Variants in TGFBR3 observed in about 807,000 individuals in gnomAD.
TGFBR3 encodes transforming growth factor beta receptor 3.
In TGFBR3, 46 loss-of-function variants were observed where a neutral mutation model predicts 87.9. The ratio of observed to expected loss-of-function variants is 0.52; its 90% CI spans 0.41 to 0.67. The LOEUF (loss-of-function observed/expected upper bound fraction) is 0.67. Among genes scored for constraint, TGFBR3 ranks in the 30% least tolerant of loss-of-function variants. The probability of loss-of-function intolerance (pLI) is 0.00; values close to 1 mark genes in which losing one functional copy is unlikely to be tolerated. For synonymous variants in TGFBR3, 381 were observed against 391.6 expected (o/e 0.97, Z 0.32); for missense variants, 866 against 1,041.9 (o/e 0.83, Z 2.32).
rs755058299 is a variant in TGFBR3 at position 91,861,546 on chromosome 1, C to G, written c.-15G>C. 1 of 1,610,236 alleles carries G rather than the reference C, an allele frequency of 6.2e-7. No individual in the cohort carries two copies. Among genetic ancestry groups the G allele is most frequent in the South Asian group, 1.1e-5 (1 of 90,998 alleles). ...TGGGAAGTCATTTTTATTTCTCCAA[C>G]AGTGCGTCTCGTCCAGTCACTTCAG... On this transcript the variant is annotated 5_prime_UTR_variant, in exon 2 of 17. Coordinates refer to ENST00000212355, the MANE Select transcript of TGFBR3 (RefSeq NM_003243.5).
exon 1 of TGFBR3, chr1:91,905,869 C>T (rs1027986258): frequency 2.0e-5 from 3 of 152,234 alleles, no homozygotes; most frequent in African/African-American, 7.2e-5. Flanking sequence ...TGCTGGCATC[C>T]ATCTGCAGAT....
rs1364701516 is a variant in TGFBR3 at position 91,683,515 on chromosome 1, G to A, written c.*224C>T. 1.6e-4 allele frequency: 110 copies of A among 691,988 alleles called. No homozygotes were observed. Among genetic ancestry groups the A allele is most frequent in the Non-Finnish European group, 2.1e-4 (78 of 379,980 alleles). The allele number at this position is 691,988 out of a possible 1,614,324, so 42.9% of individuals were successfully genotyped here. ...GACCACCATTTTAGCTTTCTCACAT[G>A]AATTCTAGTGTGGTACAGAAGCCCA... On this transcript the variant is annotated 3_prime_UTR_variant, in exon 17 of 17. Coordinates refer to ENST00000212355, the MANE Select transcript of TGFBR3 (RefSeq NM_003243.5).
intron 16 of TGFBR3, among the ~76,000 whole-genome samples, chr1:91,691,739 C>T (rs893064836): frequency 1.5e-4 from 23 of 152,060 alleles, no homozygotes; most frequent in African/African-American, 4.8e-4. Context: ...TGGAGGGAAC[C>T]GGTTCAGACA....
At chr1:91,789,930 CTT>C (rs990626593) in intron 3 of TGFBR3, among the ~76,000 whole-genome samples, 6 of 152,176 alleles carry the variant, frequency 3.9e-5, no homozygotes, top group Non-Finnish European at 8.8e-5. Context: ...AGGAGTAACT[CTT>C]TTTATATAAT....
chr1:91,740,530 A>G (rs1034621857), intron 4 of TGFBR3, among the ~76,000 whole-genome samples: 3 of 151,280 alleles, frequency 2.0e-5, no homozygotes, highest in African/African-American at 7.3e-5. Context: ...AGGCCCGGCT[A>G]ATTTTTGTAT....
chr1:91,737,575 C>A (rs930831054), intron 4 of TGFBR3, among the ~76,000 whole-genome samples: 3 of 152,250 alleles, frequency 2.0e-5, no homozygotes, highest in African/African-American at 7.2e-5. Flanking sequence ...GCTCCCAAGA[C>A]AGCAGATTTC....
chr1:91,839,260 T>C (rs1677177170), intron 2 of TGFBR3, among the ~76,000 whole-genome samples: 1 of 152,214 alleles, frequency 6.6e-6, no homozygotes, highest in East Asian at 1.9e-4. Context: ...TTTACAAGTG[T>C]GAGCCACCAC....
At chr1:91,801,122 C>T in intron 2 of TGFBR3, 1 of 199,800 alleles carries the variant, frequency 5.0e-6, no homozygotes, top group Admixed American at 5.3e-5. Flanking sequence ...AGAGACTGCT[C>T]CCATTTATTA....
In TGFBR3 at chr1:91,826,525, A is replaced by G. The variant is rs190029381; in HGVS notation, c.62-29054T>C. Among the ~76,000 whole-genome samples, 3 of 152,244 alleles carry G rather than the reference A, an allele frequency of 2.0e-5. No homozygotes were observed. The East Asian group carries it at 5.8e-4, about 29-fold the overall frequency. ...TCAGCCAATGATTGCAAAGAGAGAC[A>G]TACTGGGTGTCTGGGGAAAGAACCT... On this transcript the variant is annotated intron_variant, in intron 2 of 16. Coordinates refer to ENST00000212355, the MANE Select transcript of TGFBR3 (RefSeq NM_003243.5).
intron 13 of TGFBR3, among the ~76,000 whole-genome samples, chr1:91,710,991 G>T (rs1184970057): frequency 6.6e-6 from 1 of 152,214 alleles, no homozygotes; most frequent in East Asian, 1.9e-4. Context: ...TCAGAGAGAA[G>T]TAACAGCCAA....
intron 2 of TGFBR3, among the ~76,000 whole-genome samples, chr1:91,821,328 C>CAAAAAAAA (rs35313779): frequency 1.3e-5 from 1 of 77,590 alleles, no homozygotes; most frequent in African/African-American, 5.1e-5. Context: ...AAGACTGTCT[C>CAAAAAAAA]AAAAAAAAAA....
chr1:91,694,537 G>A (rs1273069320), intron 16 of TGFBR3, among the ~76,000 whole-genome samples: 1 of 152,202 alleles, frequency 6.6e-6, no homozygotes, highest in Non-Finnish European at 1.5e-5. Flanking sequence ...GAGGATCACT[G>A]TGTCATGCTT....
intron 3 of TGFBR3, among the ~76,000 whole-genome samples, chr1:91,785,137 C>A (rs1275831881): frequency 1.3e-5 from 2 of 152,166 alleles, no homozygotes; most frequent in Non-Finnish European, 2.9e-5. Flanking sequence ...ATGAAAACTA[C>A]CCAGGAATAA....
At chr1:91,750,748 G>A (rs1310340894) in intron 4 of TGFBR3, among the ~76,000 whole-genome samples, 1 of 152,200 alleles carries the variant, frequency 6.6e-6, no homozygotes, top group Non-Finnish European at 1.5e-5. Flanking sequence ...CGGGTCCCTG[G>A]AATACAGGGG....
intron 15 of TGFBR3, among the ~76,000 whole-genome samples, chr1:91,696,734 T>C (rs1034696022): frequency 2.0e-5 from 3 of 152,202 alleles, no homozygotes; most frequent in African/African-American, 7.2e-5. Flanking sequence ...CCCACTATTA[T>C]CATATTATTT....
At chr1:91,776,997 C>T (rs1282582637) in intron 3 of TGFBR3, among the ~76,000 whole-genome samples, 1 of 152,168 alleles carries the variant, frequency 6.6e-6, no homozygotes, top group African/African-American at 2.4e-5. Flanking sequence ...ACACCTGACC[C>T]CAACACCACA....
At position 91,681,458 on chromosome 1, in the gene TGFBR3, ATTAT is replaced by A. The variant is rs1401780311; in HGVS notation, c.*2277_*2280del. The stretch of plus-strand genomic sequence containing the variant: ...CTATAAATTTGTAAATTAATTTTAA[ATTAT>A]TTATAAAATCATTGGCAATGTAGCA... On this transcript the variant is annotated 3_prime_UTR_variant, in exon 17 of 17. Transcript: ENST00000212355. 2 of 352,614 alleles carry A rather than the reference ATTAT, an allele frequency of 5.7e-6. No homozygotes were observed. The highest frequency in any genetic ancestry group is 2.2e-5 in the African/African-American group (1 of 45,700). 21.8% of individuals were successfully genotyped at this position (352,614 alleles called of 1,614,324 possible).
In TGFBR3 at chr1:91,716,478, C is replaced by T. The variant is rs561969944; in HGVS notation, c.1708-84G>A. ...TAGCTTCATGAGCTTTGGCTTTTAA[C>T]ATCTGATTTTATTTTCAGATAGTCC... On this transcript the variant is annotated intron_variant, in intron 11 of 16. Coordinates refer to ENST00000212355, the MANE Select transcript of TGFBR3 (RefSeq NM_003243.5). 23 of 1,613,706 alleles carry T rather than the reference C, an allele frequency of 1.4e-5. No homozygotes were observed. In the South Asian group the frequency reaches 2.5e-4, roughly 18 times the overall value.
chr1:91,798,347 C>T (rs1486751929), intron 2 of TGFBR3, among the ~76,000 whole-genome samples: 2 of 152,200 alleles, frequency 1.3e-5, no homozygotes, highest in Non-Finnish European at 2.9e-5. Flanking sequence ...AATAGCTGCC[C>T]TACCAAATAA....
Sources: gnomAD v4.1 joint callset for allele counts (sites outside exome capture counted in the v4.1 genomes callset) on GRCh38, gnomAD v4.1.1 for gene constraint, MANE v1.5 for transcripts, NCBI Gene and HGNC (gene_info 2026-07-23, HGNC 2026-07-21) for gene names.